SF3B6: variants seen among roughly 807,000 people sequenced by gnomAD.
SF3B6 encodes splicing factor 3b subunit 6.
SF3B6 carries 3 observed loss-of-function variants against 15.9 expected under a neutral mutation model. The ratio of observed to expected loss-of-function variants is 0.19; its 90% CI spans 0.09 to 0.49. The LOEUF is 0.49. Ranked by LOEUF, SF3B6 falls within the 20% of genes least tolerant of loss-of-function variation. The pLI is 0.97. For missense variants in SF3B6, 71 were observed against 154.3 expected (o/e 0.46, Z 2.86); for synonymous variants, 49 against 51.1 (o/e 0.96, Z 0.18).
rs528247901 is a variant in SF3B6 at position 24,071,675 on chromosome 2, T to C, written c.149+2401A>G. ...TAGGGAAACAGGGAGCTACTTCAGC[T>C]AGGGTGGTCAGGGAAAACCCCTCTG... On this transcript the variant is annotated intron_variant, in intron 2 of 3. Coordinates refer to ENST00000233468, the MANE Select transcript of SF3B6 (RefSeq NM_016047.4). Among the ~76,000 whole-genome samples, 3 of 152,188 alleles carry C rather than the reference T, an allele frequency of 2.0e-5. 1 individual carries two copies. Among genetic ancestry groups the C allele is most frequent in the Admixed American group, 2.0e-4 (3 of 15,276 alleles).
chr2:24,075,439 A>G (rs1487347579), intron 1 of SF3B6, among the ~76,000 whole-genome samples: 1 of 150,234 alleles, frequency 6.7e-6, no homozygotes, highest in Non-Finnish European at 1.5e-5. Flanking sequence ...TCATGGCTCA[A>G]GGCAGCCTTG....
rs1027369752 is a variant in SF3B6, at chr2:24,068,185, G to A, written c.288+136C>T. ...TCACCGTGTTAGCCAGGATGGTCTC[G>A]ATCTCCTGACCTCGTGATCCGCCCA... On this transcript the variant is annotated intron_variant, in intron 3 of 3. Transcript: ENST00000233468. 74 of 806,804 alleles carry A rather than the reference G, an allele frequency of 9.2e-5. 1 individual carries two copies. The highest frequency in any genetic ancestry group is 1.2e-4 in the Non-Finnish European group (62 of 524,894). 50.0% of individuals were successfully genotyped at this position (806,804 alleles called of 1,614,324 possible).
chr2:24,071,835 C>G (rs375163499), intron 2 of SF3B6, among the ~76,000 whole-genome samples: 1 of 152,164 alleles, frequency 6.6e-6, no homozygotes, highest in African/African-American at 2.4e-5. Flanking sequence ...TCTGAAGATG[C>G]CCCTGCTTTA....
At chr2:24,076,057 C>G in intron 1 of SF3B6, 143 bp downstream of exon 1, 2 of 1,063,956 alleles carry the variant, frequency 1.9e-6, no homozygotes, top group Non-Finnish European at 2.9e-6. Flanking sequence ...AGGATGGGGC[C>G]GGATAGTGTC....
At chr2:24,070,934 C>A (rs1664642697) in intron 2 of SF3B6, among the ~76,000 whole-genome samples, 2 of 152,220 alleles carry the variant, frequency 1.3e-5, no homozygotes, top group Non-Finnish European at 2.9e-5. Context: ...ATCATCCCTT[C>A]CTTCAAGCTT....
At position 24,068,468 on chromosome 2, in the gene SF3B6, G is replaced by T. The variant is rs2150977139; in HGVS notation, c.150-9C>A. 2 of 1,600,918 alleles carry T rather than the reference G, an allele frequency of 1.2e-6. No individual in the cohort carries two copies. The highest frequency in any genetic ancestry group is 1.7e-6 in the Non-Finnish European group (2 of 1,173,968). On this transcript the variant is annotated splice_polypyrimidine_tract_variant and intron_variant, in intron 2 of 3. Coordinates refer to ENST00000233468, the MANE Select transcript of SF3B6 (RefSeq NM_016047.4). ...TTTCAGGTGTGTTCCCCCTGGAGAG[G>T]TAAGTTAAACTTAATTAAGATATAC... is the stretch of plus-strand genomic sequence containing the variant.
At chr2:24,069,275 C>T (rs568258766) in intron 2 of SF3B6, among the ~76,000 whole-genome samples, 1 of 152,332 alleles carries the variant, frequency 6.6e-6, no homozygotes, top group East Asian at 1.9e-4. Context: ...TGAGCCAGGG[C>T]AGAATGCTGG....
At chr2:24,072,179 G>A (rs1664662877) in intron 2 of SF3B6, among the ~76,000 whole-genome samples, 1 of 151,916 alleles carries the variant, frequency 6.6e-6, no homozygotes, top group Admixed American at 6.6e-5. Context: ...TAGAGAGGGG[G>A]TTTCACCATT....
intron 1 of SF3B6, among the ~76,000 whole-genome samples, chr2:24,075,962 A>G (rs1377412546): frequency 2.6e-5 from 4 of 152,032 alleles, no homozygotes; most frequent in African/African-American, 4.8e-5. Flanking sequence ...CTATAGGGGT[A>G]ACACTATCAC....
At chr2:24,068,294 A>G (rs1042229612) in intron 3 of SF3B6, 27 bp downstream of exon 3, 29 of 1,598,636 alleles carry the variant, frequency 1.8e-5, no homozygotes, top group Non-Finnish European at 2.4e-5. Flanking sequence ...TGAGATCACT[A>G]CACAATGAGA....
intron 2 of SF3B6, 140 bp downstream of exon 2, chr2:24,073,936 C>T: frequency 1.6e-6 from 1 of 631,906 alleles, no homozygotes; most frequent in East Asian, 2.8e-5. Flanking sequence ...TCTCATCTCT[C>T]TGATCTCAAT....
At chr2:24,068,633 T>C (rs547829490) in intron 2 of SF3B6, among the ~76,000 whole-genome samples, 174 bp from the exon 3 acceptor site, 2 of 152,358 alleles carry the variant, frequency 1.3e-5, no homozygotes, top group Admixed American at 6.5e-5. Flanking sequence ...TAAACATGGA[T>C]AGATATACCG....
At chr2:24,069,945 C>T (rs1245605088) in intron 2 of SF3B6, among the ~76,000 whole-genome samples, 1 of 152,230 alleles carries the variant, frequency 6.6e-6, no homozygotes, top group East Asian at 1.9e-4. Flanking sequence ...TAGTGCCACG[C>T]ATAAGGCAGA....
rs773270588 is a variant in SF3B6, at chr2:24,067,774, A to T, written c.366T>A (p.Asp122Glu). 1 of 1,613,540 alleles carries T rather than the reference A, an allele frequency of 6.2e-7. No individual in the cohort carries two copies. Among genetic ancestry groups the T allele is most frequent in the Non-Finnish European group, 8.5e-7 (1 of 1,179,654 alleles). Residue 122 changes from aspartate (D) to glutamate (E), a missense_variant, in exon 4 of 4, where the codon GAT becomes GAA. Asp to Glu is a conservative substitution (Grantham distance 45). Transcript: ENST00000233468. ...LLKEKYGINT[D>E]PPK ...ATGTAGAAAACATTTATTTTGGTGG[A>T]TCTGTGTTGATGCCATATTTCTCCT... is the stretch of plus-strand genomic sequence containing the variant.
intron 2 of SF3B6, among the ~76,000 whole-genome samples, chr2:24,069,319 T>C (rs1401387039): frequency 1.3e-5 from 2 of 152,226 alleles, no homozygotes; most frequent in African/African-American, 2.4e-5. Flanking sequence ...ACCTTACTTA[T>C]GGATACGAGG....
intron 2 of SF3B6, among the ~76,000 whole-genome samples, chr2:24,072,407 C>T (rs1664671363): frequency 6.6e-6 from 1 of 152,148 alleles, no homozygotes; most frequent in African/African-American, 2.4e-5. Context: ...GAACTCACAA[C>T]CTGCCCAGGG....
At chr2:24,071,407 C>A (rs1185476141) in intron 2 of SF3B6, among the ~76,000 whole-genome samples, 1 of 151,790 alleles carries the variant, frequency 6.6e-6, no homozygotes, top group African/African-American at 2.4e-5. Context: ...GAGTTCAAGA[C>A]CAGCCTGGCC....
chr2:24,068,210 A>G (rs10194004), intron 3 of SF3B6, 111 bp downstream of exon 3: 143,880 of 1,062,346 alleles, frequency 0.14, 10,579 homozygotes, highest in South Asian at 0.17. Flanking sequence ...TGATCCGCCC[A>G]CCTCGGCCTC....
At chr2:24,073,765 A>C (rs1664690553) in intron 2 of SF3B6, 1 of 184,556 alleles carries the variant, frequency 5.4e-6, no homozygotes, top group East Asian at 1.5e-4. Flanking sequence ...TACAAATAAC[A>C]GGTATGCAAT....
Sources: allele counts gnomAD v4.1 joint callset (sites outside exome capture counted in the v4.1 genomes callset), GRCh38; gene constraint gnomAD v4.1.1; transcripts MANE v1.5; gene names NCBI Gene and HGNC (gene_info 2026-07-23, HGNC 2026-07-21).